FAM135A: variants seen among roughly 807,000 people sequenced by gnomAD.
FAM135A encodes family with sequence similarity 135 member A.
Under a neutral mutation model 146.8 loss-of-function variants are expected in FAM135A, and 79 were observed. That is an observed-to-expected ratio of 0.54 (90% CI 0.45 to 0.65). The LOEUF is 0.65. Ranked by LOEUF, FAM135A falls within the 30% of genes least tolerant of loss-of-function variation. FAM135A has a pLI of 0.00. For synonymous variants in FAM135A, 562 were observed against 603.6 expected (o/e 0.93, Z 1.01); for missense variants, 1,623 against 1,758.2 (o/e 0.92, Z 1.38).
chr6:70,497,971 G>A (rs560268528), intron 11 of FAM135A, among the ~76,000 whole-genome samples: 16 of 152,268 alleles, frequency 1.1e-4, no homozygotes, highest in African/African-American at 3.4e-4. Flanking sequence ...TTTGGTATCA[G>A]GATGATGCTG....
chr6:70,415,601 T>G (rs1310337882), intron 2 of FAM135A, among the ~76,000 whole-genome samples: 1 of 152,206 alleles, frequency 6.6e-6, no homozygotes, highest in Non-Finnish European at 1.5e-5. Context: ...ATAAAGAAAC[T>G]GCTGCTTCTC....
At chr6:70,541,918 A>T (rs993549156) in intron 20 of FAM135A, among the ~76,000 whole-genome samples, 1 of 152,206 alleles carries the variant, frequency 6.6e-6, no homozygotes, top group African/African-American at 2.4e-5. Flanking sequence ...GTTTTAAAAC[A>T]TTTAACCTTC....
At chr6:70,515,313 A>G (rs1420293808) in intron 12 of FAM135A, among the ~76,000 whole-genome samples, 2 of 152,242 alleles carry the variant, frequency 1.3e-5, no homozygotes, top group Non-Finnish European at 2.9e-5. Flanking sequence ...ACCTCCACAT[A>G]TAGCAGCTTT....
At chr6:70,544,780 G>T (rs1798550763) in intron 20 of FAM135A, among the ~76,000 whole-genome samples, 1 of 151,878 alleles carries the variant, frequency 6.6e-6, no homozygotes, top group Non-Finnish European at 1.5e-5. Context: ...GCTAGGCACA[G>T]TGGCTCACGC....
intron 20 of FAM135A, among the ~76,000 whole-genome samples, chr6:70,546,018 C>T (rs931298956): frequency 6.6e-6 from 1 of 151,694 alleles, no homozygotes; most frequent in African/African-American, 2.4e-5. Flanking sequence ...ACAAGTCTCT[C>T]GAACTATTTC....
At chr6:70,480,254 T>C (rs1387676397) in intron 8 of FAM135A, among the ~76,000 whole-genome samples, 2 of 152,124 alleles carry the variant, frequency 1.3e-5, no homozygotes, top group Non-Finnish European at 2.9e-5. Context: ...GGAGGATTGC[T>C]TGAGGCCAGG....
chr6:70,433,355 T>A (rs1352707756), intron 4 of FAM135A, among the ~76,000 whole-genome samples: 1 of 152,214 alleles, frequency 6.6e-6, no homozygotes, highest in African/African-American at 2.4e-5. Flanking sequence ...ATTACAGGCA[T>A]GAGCCACCGC....
chr6:70,537,732 A>T (rs1797041801), intron 19 of FAM135A, among the ~76,000 whole-genome samples: 1 of 152,190 alleles, frequency 6.6e-6, no homozygotes. Flanking sequence ...AATTTTGCTT[A>T]ATTTCCTGAA....
chr6:70,449,138 AT>A (rs917586304), intron 4 of FAM135A, among the ~76,000 whole-genome samples: 48 of 152,112 alleles, frequency 3.2e-4, no homozygotes, highest in African/African-American at 1.1e-3. Flanking sequence ...ATATTTTAAA[AT>A]TTTTTTTGAC....
rs543887576 is a variant in FAM135A, at chr6:70,445,942, A to C, written c.78-6550A>C. On this transcript the variant is annotated intron_variant, in intron 4 of 21. Transcript: ENST00000418814. ...GTCATGGTGAGCTACTTCTTGCAGGAGTCAGGATCTGCATCTGCAGACTAT... is the reference window on the plus strand; with the variant it reads ...GTCATGGTGAGCTACTTCTTGCAGGCGTCAGGATCTGCATCTGCAGACTAT... 2.6e-5 allele frequency among the ~76,000 whole-genome samples: 4 copies of C among 152,354 alleles called. No individual in the cohort carries two copies. In the South Asian group the frequency reaches 8.3e-4, roughly 32 times the overall value.
At chr6:70,434,288 A>C (rs1007412534) in intron 4 of FAM135A, among the ~76,000 whole-genome samples, 26 of 152,342 alleles carry the variant, frequency 1.7e-4, no homozygotes, top group African/African-American at 5.5e-4. Flanking sequence ...GAATTAAATT[A>C]TGGTTGTAGT....
intron 4 of FAM135A, among the ~76,000 whole-genome samples, chr6:70,435,085 A>G (rs1042587590): frequency 0.024 from 1,034 of 42,878 alleles, 16 homozygotes; most frequent in African/African-American, 0.09. Flanking sequence ...GTGTGTGTAT[A>G]TATATATATA....
chr6:70,512,504 C>T (rs1202158626), intron 12 of FAM135A, among the ~76,000 whole-genome samples: 1 of 151,588 alleles, frequency 6.6e-6, no homozygotes, highest in African/African-American at 2.4e-5. Flanking sequence ...TTCAGTTGTT[C>T]CACATGCTTG....
At chr6:70,483,126 A>G (rs1341231983) in intron 10 of FAM135A, among the ~76,000 whole-genome samples, 1 of 152,184 alleles carries the variant, frequency 6.6e-6, no homozygotes, top group Non-Finnish European at 1.5e-5. Flanking sequence ...TTACAGAGGA[A>G]TTGCAAGAAA....
chr6:70,428,707 T>C (rs985598581), intron 4 of FAM135A, among the ~76,000 whole-genome samples: 1 of 152,154 alleles, frequency 6.6e-6, no homozygotes, highest in African/African-American at 2.4e-5. Flanking sequence ...TAAAATCTTA[T>C]AGTATAATGG....
At chr6:70,537,786 ATAAT>A (rs1367128750) in intron 19 of FAM135A, among the ~76,000 whole-genome samples, 5 of 152,232 alleles carry the variant, frequency 3.3e-5, no homozygotes, top group African/African-American at 9.6e-5. Context: ...ATATAAAAAA[ATAAT>A]TAATATAAAA....
chr6:70,508,521 C>A (rs1790299255), intron 12 of FAM135A, among the ~76,000 whole-genome samples: 1 of 152,060 alleles, frequency 6.6e-6, no homozygotes, highest in Admixed American at 6.5e-5. Context: ...AATTATAAGT[C>A]CAATATTAGG....
chr6:70,538,800 G>GTTATA (rs1272344414), intron 20 of FAM135A, among the ~76,000 whole-genome samples: 3,582 of 122,902 alleles, frequency 0.029, 65 homozygotes, highest in Middle Eastern at 0.05. Context: ...TTCATATTAT[G>GTTATA]TTATGTTATA....
chr6:70,518,881 A>AT, intron 12 of FAM135A, among the ~76,000 whole-genome samples: 1 of 152,328 alleles, frequency 6.6e-6, no homozygotes, highest in Non-Finnish European at 1.5e-5. Flanking sequence ...ATACAAGGAG[A>AT]TTAACGATGT....
Sources: allele counts gnomAD v4.1 joint callset (sites outside exome capture counted in the v4.1 genomes callset), GRCh38; gene constraint gnomAD v4.1.1; transcripts MANE v1.5; gene names NCBI Gene and HGNC (gene_info 2026-07-23, HGNC 2026-07-21).